The following ZNF726 variants were observed in gnomAD, a reference collection of about 807,000 sequenced individuals.
The protein encoded by ZNF726 is zinc finger protein 726.
ZNF726 carries 15 observed loss-of-function variants against 11.6 expected under a neutral mutation model. The ratio of observed to expected loss-of-function variants is 1.29; its 90% CI spans 0.86 to 1.99. ZNF726 has a LOEUF of 1.99. Among genes scored for constraint, ZNF726 ranks in the 30% most tolerant of loss-of-function variants. The pLI is 0.00. For synonymous variants in ZNF726, 295 were observed against 243.6 expected, an observed-to-expected ratio of 1.21 and a Z score of -1.96; for missense variants, 890 against 725.6, an observed-to-expected ratio of 1.23 and a Z score of -2.60.
At chr19:23,934,967 G>A (rs140710665), downstream of ZNF726, among the ~76,000 whole-genome samples, 533 of 152,314 alleles carry the variant, frequency 3.5e-3, no homozygotes, top group African/African-American at 0.012. Flanking sequence ...TTTAACAGAG[G>A]CCAAGAAATG....
downstream of ZNF726, among the ~76,000 whole-genome samples, chr19:23,937,000 G>C (rs1236311251): frequency 6.6e-6 from 1 of 151,928 alleles, no homozygotes; most frequent in Non-Finnish European, 1.5e-5. Context: ...GTGGTGGCCG[G>C]GCAGAGGGGC....
chr19:23,929,540 C>T (rs1403124065), intron 3 of ZNF726, among the ~76,000 whole-genome samples: 1 of 152,148 alleles, frequency 6.6e-6, no homozygotes, highest in African/African-American at 2.4e-5. Flanking sequence ...CAGAAAAGAC[C>T]TGCCCCCATG....
downstream of ZNF726, chr19:23,934,535 C>T (rs1968195337): frequency 1.0e-4 from 37 of 361,688 alleles, 1 homozygote; most frequent in South Asian, 7.8e-4. Context: ...TTATTCTGTT[C>T]ACTGTTCAGA....
rs1010239376 is a variant in ZNF726, at chr19:23,922,390, G to C, written c.226+2308G>C. On this transcript the variant is annotated intron_variant, in intron 3 of 3. Coordinates refer to ENST00000594466, the MANE Select transcript of ZNF726 (RefSeq NM_001244038.2). Reference sequence around the variant, plus strand: ...GGAGCTGGAACTGAGTCATGGAACTGCTTCAGGGACCACAGGAAAGGCCAA... The same window carrying C: ...GGAGCTGGAACTGAGTCATGGAACTCCTTCAGGGACCACAGGAAAGGCCAA... Among the ~76,000 whole-genome samples, 6 of 152,314 alleles carry C rather than the reference G, an allele frequency of 3.9e-5. No homozygotes were observed. In the South Asian group the frequency reaches 6.2e-4, roughly 16 times the overall value.
At chr19:23,928,546 T>A (rs1026212415) in intron 3 of ZNF726, 10 of 152,194 alleles carry the variant, frequency 6.6e-5, no homozygotes, top group African/African-American at 2.2e-4. Flanking sequence ...TATACATTTG[T>A]GGTAATATCA....
downstream of ZNF726, among the ~76,000 whole-genome samples, chr19:23,938,157 A>G (rs572918818): frequency 6.6e-5 from 10 of 152,274 alleles, no homozygotes; most frequent in Admixed American, 2.0e-4. Context: ...TAAGTTAAAG[A>G]ATGTTGTTCC....
chr19:23,925,862 G>A (rs1218088064), intron 3 of ZNF726, among the ~76,000 whole-genome samples: 2 of 151,554 alleles, frequency 1.3e-5, no homozygotes, highest in Admixed American at 6.6e-5. Context: ...AATAACAGGC[G>A]TGTGCCACCA....
At chr19:23,940,397 T>C (rs1348675147) in intron 3 of ZNF726, among the ~76,000 whole-genome samples, 1 of 152,170 alleles carries the variant, frequency 6.6e-6, no homozygotes, top group East Asian at 1.9e-4. Flanking sequence ...CATGCTGTTT[T>C]GGTGACTAGA....
At position 23,933,890 on chromosome 19, in the gene ZNF726, CCT is replaced by C; in HGVS notation, c.1775_1776del (p.Pro592LeufsTer4). ...TAAGATAATTCATACTGGAGAGAAACCTTACAAGTGTGACGAATGTGGCAAAT... is the reference window on the plus strand; with the variant it reads ...TAAGATAATTCATACTGGAGAGAAACTACAAGTGTGACGAATGTGGCAAAT... ...THKIIHTGEK[P>X]YKCDECGKSF... is the part of the protein sequence containing the mutation. On this transcript the variant is annotated frameshift_variant, in exon 4 of 4. Coordinates refer to ENST00000594466, the MANE Select transcript of ZNF726 (RefSeq NM_001244038.2). LOFTEE classifies it low-confidence loss of function (END_TRUNC). 1 of 1,590,356 alleles carries C rather than the reference CCT, an allele frequency of 6.3e-7. No individual in the cohort carries two copies. Among genetic ancestry groups the C allele is most frequent in the Non-Finnish European group, 8.6e-7 (1 of 1,168,230 alleles).
chr19:23,928,949 A>G (rs929138020), intron 3 of ZNF726: 3 of 151,996 alleles, frequency 2.0e-5, no homozygotes, highest in South Asian at 4.2e-4. Flanking sequence ...AGTGTGTAGC[A>G]TCACACCTAG....
At chr19:23,944,208 G>A (rs763568728) in intron 4 of ZNF726, 1 of 151,958 alleles carries the variant, frequency 6.6e-6, no homozygotes. Context: ...CCATTTTTCT[G>A]TTGGGTTTTT....
chr19:23,939,140 G>A (rs924538987), downstream of ZNF726, among the ~76,000 whole-genome samples: 5 of 145,194 alleles, frequency 3.4e-5, no homozygotes, highest in African/African-American at 5.2e-5. Flanking sequence ...TCCCCCCCAA[G>A]TCTCCAAAGT....
At chr19:23,939,364 T>G (rs1968300264), downstream of ZNF726, among the ~76,000 whole-genome samples, 1 of 152,228 alleles carries the variant, frequency 6.6e-6, no homozygotes, top group Non-Finnish European at 1.5e-5. Context: ...ATCTGTTTGT[T>G]GATTGATGGG....
At chr19:23,931,138 C>A (rs539304269) in intron 3 of ZNF726, among the ~76,000 whole-genome samples, 1 of 152,100 alleles carries the variant, frequency 6.6e-6, no homozygotes, top group South Asian at 2.1e-4. Flanking sequence ...GCCCAGCTAA[C>A]TTTTTGTATT....
chr19:23,916,336 A>G (rs370630618), intron 1 of ZNF726, among the ~76,000 whole-genome samples: 1 of 148,350 alleles, frequency 6.7e-6, no homozygotes, highest in African/African-American at 2.5e-5. Context: ...TTTTTTTTTT[A>G]AAAGTATTTG....
downstream of ZNF726, among the ~76,000 whole-genome samples, chr19:23,935,041 CTA>C (rs1394811093): frequency 6.6e-6 from 1 of 152,204 alleles, no homozygotes. Flanking sequence ...GAGGCATAGA[CTA>C]TAGAAGTCTC....
At chr19:23,919,901 A>G (rs1380591371) in intron 2 of ZNF726, 86 bp from the exon 3 acceptor site, 4 of 801,768 alleles carry the variant, frequency 5.0e-6, no homozygotes, top group African/African-American at 1.8e-5. Context: ...AGAATATTCT[A>G]TTATATCCCT....
intron 3 of ZNF726, among the ~76,000 whole-genome samples, chr19:23,922,881 G>A (rs971945072): frequency 9.3e-5 from 14 of 150,454 alleles, no homozygotes; most frequent in Admixed American, 7.3e-4. Flanking sequence ...AGGAATGGAT[G>A]ACAAATTTTC....
intron 3 of ZNF726, among the ~76,000 whole-genome samples, chr19:23,940,761 G>A (rs868815404): frequency 6.6e-6 from 1 of 152,190 alleles, no homozygotes; most frequent in South Asian, 2.1e-4. Context: ...ATTGTAAAAG[G>A]GGTTGAGTTC....
Sources: gnomAD v4.1 joint callset for allele counts (sites outside exome capture counted in the v4.1 genomes callset) on GRCh38, gnomAD v4.1.1 for gene constraint, MANE v1.5 for transcripts, NCBI Gene and HGNC (gene_info 2026-07-23, HGNC 2026-07-21) for gene names.